Variants in EPB41 observed in about 807,000 individuals in gnomAD.
EPB41 encodes protein 4.1.
EPB41 carries 65 observed loss-of-function variants against 108.0 expected under a neutral mutation model. The observed-to-expected ratio is 0.60, with a 90% CI of 0.49 to 0.74. EPB41 has a LOEUF of 0.74. Among genes scored for constraint, EPB41 ranks in the 30% least tolerant of loss-of-function variants. The pLI, the probability that EPB41 is intolerant of heterozygous loss-of-function variation, is 0.00. For missense variants in EPB41, 875 were observed against 1,037.0 expected, an observed-to-expected ratio of 0.84 and a Z score of 2.15; for synonymous variants, 336 against 358.9, an observed-to-expected ratio of 0.94 and a Z score of 0.72.
chr1:29,036,035 C>G, intron 10 of EPB41, 112 bp downstream of exon 10: 1 of 776,316 alleles, frequency 1.3e-6, no homozygotes, highest in Non-Finnish European at 2.2e-6. Flanking sequence ...TTATTTAGCT[C>G]AGGTGAGATC....
chr1:28,903,322 C>CTTTTTTTTTTTTTTTTTTTT (rs1469847584), intron 1 of EPB41, among the ~76,000 whole-genome samples: 1 of 144,414 alleles, frequency 6.9e-6, no homozygotes, highest in African/African-American at 2.7e-5. Context: ...TTTTTCTTTT[C>CTTTTTTTTTTTTTTTTTTTT]TTTCTTTTTT....
chr1:28,900,091 C>T (rs766379175), intron 1 of EPB41, among the ~76,000 whole-genome samples: 1 of 151,960 alleles, frequency 6.6e-6, no homozygotes, highest in Non-Finnish European at 1.5e-5. Context: ...ATTCTATGAT[C>T]GGTAGAGATA....
intron 11 of EPB41, among the ~76,000 whole-genome samples, chr1:29,046,248 C>G (rs1018455812): frequency 6.6e-6 from 1 of 151,954 alleles, no homozygotes; most frequent in African/African-American, 2.4e-5. Flanking sequence ...CCTCAGCCTC[C>G]TGAGTAGCTG....
At chr1:29,054,581 G>C (rs992950919) in intron 12 of EPB41, 1 of 149,428 alleles carries the variant, frequency 6.7e-6, no homozygotes, top group Non-Finnish European at 1.5e-5. Flanking sequence ...CAGGTGTGGA[G>C]GCTCTCACCT....
intron 6 of EPB41, among the ~76,000 whole-genome samples, chr1:29,016,219 A>G (rs1176092004): frequency 6.6e-6 from 1 of 151,992 alleles, no homozygotes; most frequent in African/African-American, 2.4e-5. Context: ...CTTGTCGCCC[A>G]GTCTGGAGTG....
chr1:29,092,938 T>G (rs1238194285), intron 16 of EPB41, among the ~76,000 whole-genome samples: 1 of 152,216 alleles, frequency 6.6e-6, no homozygotes, highest in Non-Finnish European at 1.5e-5. Context: ...CACATTTTCT[T>G]TATCTAATTT....
chr1:28,926,868 A>G (rs927407551), intron 1 of EPB41, among the ~76,000 whole-genome samples: 23 of 152,232 alleles, frequency 1.5e-4, no homozygotes, highest in African/African-American at 5.1e-4. Flanking sequence ...AAACATGTGT[A>G]ATATAGCTGC....
intron 1 of EPB41, among the ~76,000 whole-genome samples, chr1:28,891,516 G>A (rs2090113206): frequency 6.6e-6 from 1 of 152,210 alleles, no homozygotes; most frequent in Non-Finnish European, 1.5e-5. Context: ...GCTTGGAGGT[G>A]TGAAGTGGCA....
At chr1:29,061,572 G>GTTTGTTTTTTTTTTTT (rs1646544792) in intron 15 of EPB41, among the ~76,000 whole-genome samples, 2 of 64,036 alleles carry the variant, frequency 3.1e-5, no homozygotes, top group African/African-American at 6.1e-5. Context: ...CCTGGCCTTT[G>GTTTGTTTTTTTTTTTT]TTTTTTTTTT....
Position 28,997,624 on chromosome 1 carries a change from T to C in EPB41, c.786+305T>C, listed in dbSNP as rs560162961. On this transcript the variant is annotated intron_variant, in intron 4 of 20. Transcript: ENST00000343067. ...CTGTAGATGTCAATAACTTAATATATTATGCAATTGGTATTGTATCTAATG... is the reference window on the plus strand; with the variant it reads ...CTGTAGATGTCAATAACTTAATATACTATGCAATTGGTATTGTATCTAATG... Among the ~76,000 whole-genome samples the C allele has an allele frequency of 2.6e-5, 4 of 152,280 alleles. No individual in the cohort carries two copies. In the East Asian group the frequency reaches 7.7e-4, roughly 29 times the overall value.
In EPB41 at chr1:29,058,646, G is replaced by A. The variant is rs1558185230; in HGVS notation, c.1902+1G>A. On this transcript the variant is annotated splice_donor_variant, in intron 13 of 20. Coordinates refer to ENST00000343067, the MANE Select transcript of EPB41 (RefSeq NM_001376013.1). LOFTEE classifies it high-confidence loss of function. Reference sequence around the variant, plus strand: ...CACCTCAAATGGTGACCAAACACAGGTTTGTGCCAATAGGCCACTTGTTCC... The same window carrying A: ...CACCTCAAATGGTGACCAAACACAGATTTGTGCCAATAGGCCACTTGTTCC... 2 of 1,613,278 alleles carry A rather than the reference G, an allele frequency of 1.2e-6. No homozygotes were observed. Among genetic ancestry groups the A allele is most frequent in the African/African-American group, 2.7e-5 (2 of 74,912 alleles).
intron 11 of EPB41, among the ~76,000 whole-genome samples, chr1:29,050,483 T>G (rs1000216126): frequency 3.9e-5 from 6 of 152,224 alleles, no homozygotes; most frequent in Non-Finnish European, 8.8e-5. Context: ...TAATGATACT[T>G]AAACACAACT....
At chr1:28,910,765 T>C (rs2092207108), upstream of EPB41, among the ~76,000 whole-genome samples, 1 of 152,134 alleles carries the variant, frequency 6.6e-6, no homozygotes, top group African/African-American at 2.4e-5. Context: ...TCTTTTTCTC[T>C]TTTGCTTACT....
intron 16 of EPB41, among the ~76,000 whole-genome samples, chr1:29,093,006 A>G (rs991564765): frequency 6.6e-6 from 1 of 152,230 alleles, no homozygotes; most frequent in African/African-American, 2.4e-5. Context: ...TAGTGCTACA[A>G]TAAACATACA....
At chr1:28,922,453 T>A (rs1009547095) in intron 1 of EPB41, among the ~76,000 whole-genome samples, 1 of 151,352 alleles carries the variant, frequency 6.6e-6, no homozygotes, top group East Asian at 1.9e-4. Flanking sequence ...TATCTTTTTA[T>A]CCTCTGTCTC....
chr1:28,921,902 CA>C (rs1447547226), intron 1 of EPB41, among the ~76,000 whole-genome samples: 4 of 134,922 alleles, frequency 3.0e-5, no homozygotes, highest in African/African-American at 1.1e-4. Flanking sequence ...GTGGTTTTTC[CA>C]GTGAAAATGT....
Position 29,030,391 on chromosome 1 carries a change from C to T in EPB41, c.1125-9C>T, listed in dbSNP as rs575598568. On this transcript the variant is annotated splice_polypyrimidine_tract_variant and intron_variant, in intron 7 of 20. Coordinates refer to ENST00000343067, the MANE Select transcript of EPB41 (RefSeq NM_001376013.1). ...ACTGAAAGAATTTTATGTTTTTATT[C>T]TATCAAAGGTCCATGACTCCAGCTC... 6.8e-6 allele frequency: 11 copies of T among 1,611,258 alleles called. No homozygotes were observed. The African/African-American group carries it at 1.5e-4, about 21-fold the overall frequency.
At chr1:29,065,274 C>A in intron 16 of EPB41, 116 bp downstream of exon 16, 1 of 1,413,600 alleles carries the variant, frequency 7.1e-7, no homozygotes, top group African/African-American at 1.4e-5. Flanking sequence ...TGGTGCCTCA[C>A]TATATTCATT....
At chr1:29,099,110 C>T (rs547587060) in intron 17 of EPB41, among the ~76,000 whole-genome samples, 31 of 149,944 alleles carry the variant, frequency 2.1e-4, no homozygotes, top group Non-Finnish European at 3.1e-4. Flanking sequence ...AGTTCAGGAC[C>T]GGCCTGGCCA....
Sources: allele counts gnomAD v4.1 joint callset (sites outside exome capture counted in the v4.1 genomes callset), GRCh38; gene constraint gnomAD v4.1.1; transcripts MANE v1.5; gene names NCBI Gene and HGNC (gene_info 2026-07-23, HGNC 2026-07-21).